The following SH3KBP1 variants were observed in gnomAD, a reference collection of about 807,000 sequenced individuals.
SH3KBP1 encodes the protein SH3 domain-containing kinase-binding protein 1.
A neutral mutation model predicts 50.1 loss-of-function variants in SH3KBP1; 8 were observed. The observed-to-expected ratio is 0.16, with a 90% CI of 0.09 to 0.29. SH3KBP1 has a LOEUF of 0.29. SH3KBP1 is among the 10% of genes least tolerant of loss of function. SH3KBP1 has a pLI of 1.00. For missense variants in SH3KBP1, 377 were observed against 535.2 expected, an observed-to-expected ratio of 0.70 and a Z score of 2.92; for synonymous variants, 227 against 218.6, an observed-to-expected ratio of 1.04 and a Z score of -0.34.
chrX:19,770,871 C>G (rs895027520), intron 2 of SH3KBP1, among the ~76,000 whole-genome samples: 4 of 111,275 alleles, frequency 3.6e-5, no homozygotes, highest in African/African-American at 1.3e-4. Flanking sequence ...TGTTCATGTC[C>G]TTTGCCCACT....
chrX:19,717,832 A>G (rs890775064), intron 3 of SH3KBP1, among the ~76,000 whole-genome samples: 1 of 111,717 alleles, frequency 9.0e-6, no homozygotes, highest in African/African-American at 3.3e-5. Context: ...GAGCAGGGCT[A>G]TATATGAACA....
intron 8 of SH3KBP1, among the ~76,000 whole-genome samples, chrX:19,625,628 C>T (rs993281236): frequency 1.8e-5 from 2 of 112,026 alleles, no homozygotes; most frequent in Admixed American, 9.5e-5. Context: ...GATTTCAAAA[C>T]GCGAGCATCA....
At chrX:19,659,136 C>T (rs1234039086) in intron 6 of SH3KBP1, among the ~76,000 whole-genome samples, 4 of 74,384 alleles carry the variant, frequency 5.4e-5, no homozygotes, top group South Asian at 7.1e-4. Flanking sequence ...TTTTTTGAGA[C>T]GGAGTTTCAC....
At chrX:19,820,138 C>T (rs1321109145) in intron 2 of SH3KBP1, among the ~76,000 whole-genome samples, 1 of 111,700 alleles carries the variant, frequency 9.0e-6, no homozygotes. Context: ...TATGGTTTAA[C>T]TTGGCAGATA....
At chrX:19,589,626 T>C (rs1414818314) in intron 11 of SH3KBP1, among the ~76,000 whole-genome samples, 1 of 110,845 alleles carries the variant, frequency 9.0e-6, no homozygotes, top group Non-Finnish European at 1.9e-5. Context: ...TGTTCCCAAC[T>C]AGCCTTGCTC....
intron 6 of SH3KBP1, among the ~76,000 whole-genome samples, chrX:19,654,488 T>C (rs1314078722): frequency 1.8e-5 from 2 of 111,564 alleles, no homozygotes; most frequent in African/African-American, 3.3e-5. Flanking sequence ...AAACACTGTT[T>C]ATATTTTACC....
rs759778017 is a variant in SH3KBP1, at chrX:19,882,533, G to A, written c.4+4774C>T. 7.2e-5 allele frequency among the ~76,000 whole-genome samples: 8 copies of A among 111,530 alleles called. No individual in the cohort carries two copies. The South Asian group carries it at 3.0e-3, about 42-fold the overall frequency. ...CAAAGGAATGCCAATTCTGGAAGCTGGAAAAGGCAAGGAAAGGGATTCCCT... is the reference window on the plus strand; with the variant it reads ...CAAAGGAATGCCAATTCTGGAAGCTAGAAAAGGCAAGGAAAGGGATTCCCT... On this transcript the variant is annotated intron_variant, in intron 1 of 17. Transcript: ENST00000397821.
At chrX:19,795,367 C>T (rs1026363591) in intron 2 of SH3KBP1, among the ~76,000 whole-genome samples, 1 of 112,027 alleles carries the variant, frequency 8.9e-6, no homozygotes, top group African/African-American at 3.2e-5. Flanking sequence ...GGGCTTGGTG[C>T]TGTAATCACA....
At position 19,848,126 on chromosome X, in the gene SH3KBP1, T is replaced by C. The variant is rs752194416; in HGVS notation, c.5-11844A>G. Among the ~76,000 whole-genome samples the C allele has an allele frequency of 2.7e-5, 3 of 112,153 alleles. No individual in the cohort carries two copies. The South Asian group carries it at 1.1e-3, about 42-fold the overall frequency. On this transcript the variant is annotated intron_variant, in intron 1 of 17. Transcript: ENST00000397821. ...ATAATGATCTATGAAGAGCAATGTA[T>C]ACATTTTTTTCTGAAATAATCACAT...
intron 2 of SH3KBP1, among the ~76,000 whole-genome samples, chrX:19,755,331 C>T (rs991290469): frequency 5.4e-5 from 6 of 111,631 alleles, no homozygotes; most frequent in Admixed American, 1.9e-4. Context: ...ATTGCGCCAT[C>T]GGACTCCAGC....
At chrX:19,804,172 A>T (rs1018458935) in intron 2 of SH3KBP1, among the ~76,000 whole-genome samples, 6 of 109,295 alleles carry the variant, frequency 5.5e-5, no homozygotes, top group Admixed American at 4.8e-4. Flanking sequence ...AATCCATATT[A>T]AAAAAAAAGG....
intron 8 of SH3KBP1, among the ~76,000 whole-genome samples, chrX:19,630,285 G>A (rs1267841619): frequency 8.9e-6 from 1 of 111,803 alleles, no homozygotes. Flanking sequence ...ATCATCAAGG[G>A]GGAAAAAAGC....
chrX:19,746,293 G>A, intron 3 of SH3KBP1, 25 bp downstream of exon 3: 2 of 1,207,532 alleles, frequency 1.7e-6, no homozygotes, highest in Middle Eastern at 2.3e-4. Flanking sequence ...GTGCAGGGAG[G>A]GAACCTCTTT....
chrX:19,572,444 T>C (rs2066064323), intron 12 of SH3KBP1, among the ~76,000 whole-genome samples: 1 of 107,165 alleles, frequency 9.3e-6, no homozygotes, highest in Non-Finnish European at 1.9e-5. Context: ...TGTTATATAG[T>C]ACATGTTATA....
chrX:19,563,820 G>T (rs1404998794), intron 13 of SH3KBP1, among the ~76,000 whole-genome samples: 1 of 111,505 alleles, frequency 9.0e-6, no homozygotes, highest in African/African-American at 3.3e-5. Context: ...TCTGAAGGTT[G>T]CCAGTAAGGA....
intron 1 of SH3KBP1, among the ~76,000 whole-genome samples, chrX:19,865,198 G>C (rs770524524): frequency 8.9e-6 from 1 of 112,375 alleles, no homozygotes; most frequent in Non-Finnish European, 1.9e-5. Context: ...CTGCACCTAA[G>C]TATGGTGATG....
At chrX:19,597,110 A>C (rs1412387128) in intron 9 of SH3KBP1, among the ~76,000 whole-genome samples, 1 of 112,183 alleles carries the variant, frequency 8.9e-6, no homozygotes, top group Non-Finnish European at 1.9e-5. Flanking sequence ...TAGACTTATA[A>C]AATGTATTTC....
chrX:19,787,179 A>G (rs1294396100), intron 2 of SH3KBP1, among the ~76,000 whole-genome samples: 1 of 111,285 alleles, frequency 9.0e-6, no homozygotes, highest in Non-Finnish European at 1.9e-5. Context: ...CACAACAAGC[A>G]CTTCTTCTTA....
At chrX:19,702,292 C>T (rs1328256341) in intron 4 of SH3KBP1, among the ~76,000 whole-genome samples, 1 of 111,817 alleles carries the variant, frequency 8.9e-6, no homozygotes, top group East Asian at 2.8e-4. Context: ...CCTATCCACA[C>T]CCACAAAAGT....
Sources: gnomAD v4.1 joint callset for allele counts (sites outside exome capture counted in the v4.1 genomes callset) on GRCh38, gnomAD v4.1.1 for gene constraint, MANE v1.5 for transcripts, NCBI Gene and HGNC (gene_info 2026-07-23, HGNC 2026-07-21) for gene names.